The following PDE4D variants were observed in gnomAD, a reference collection of about 807,000 sequenced individuals.
The protein encoded by PDE4D is phosphodiesterase 4D, also known as 3',5'-cyclic-AMP phosphodiesterase 4D.
In PDE4D, 24 loss-of-function variants were observed where a neutral mutation model predicts 87.4. The observed-to-expected ratio is 0.27, with a 90% CI of 0.20 to 0.39. The LOEUF (loss-of-function observed/expected upper bound fraction) is 0.39, where lower values mean the gene tolerates loss of function less well. PDE4D is among the 10% of genes least tolerant of loss of function. PDE4D has a pLI of 1.00. For missense variants in PDE4D, 714 were observed against 1,041.0 expected, an observed-to-expected ratio of 0.69 and a Z score of 4.32; for synonymous variants, 384 against 383.2, an observed-to-expected ratio of 1.00 and a Z score of -0.02.
At chr5:60,363,607 T>C (rs1760272033) in intron 1 of PDE4D, among the ~76,000 whole-genome samples, 1 of 152,158 alleles carries the variant, frequency 6.6e-6, no homozygotes, top group African/African-American at 2.4e-5. Context: ...GTAAGATAAG[T>C]TCAAATAAGG....
At chr5:60,340,913 C>A (rs1758258471) in intron 1 of PDE4D, among the ~76,000 whole-genome samples, 1 of 152,152 alleles carries the variant, frequency 6.6e-6, no homozygotes, top group African/African-American at 2.4e-5. Context: ...TCTTCCATTT[C>A]TATGAGTTTT....
chr5:59,585,834 T>G (rs1335336012), intron 1 of PDE4D, among the ~76,000 whole-genome samples: 1 of 152,216 alleles, frequency 6.6e-6, no homozygotes, highest in African/African-American at 2.4e-5. Flanking sequence ...ATTTCTTGAA[T>G]AGCTAAAATA....
At chr5:59,472,373 A>G (rs146374225) in intron 1 of PDE4D, among the ~76,000 whole-genome samples, 14 of 152,288 alleles carry the variant, frequency 9.2e-5, no homozygotes, top group African/African-American at 3.4e-4. Flanking sequence ...GCTGGAAGAG[A>G]GGTATGTCAC....
chr5:59,954,762 C>T (rs1758659930), intron 3 of PDE4D, among the ~76,000 whole-genome samples: 1 of 152,092 alleles, frequency 6.6e-6, no homozygotes, highest in African/African-American at 2.4e-5. Context: ...CCTTTTTCTC[C>T]TTGGTTTCTA....
chr5:60,433,560 C>A (rs896550586), intron 1 of PDE4D, among the ~76,000 whole-genome samples: 3 of 152,202 alleles, frequency 2.0e-5, no homozygotes, highest in African/African-American at 4.8e-5. Flanking sequence ...ACCCAGCAGT[C>A]CTATTATTGG....
At chr5:59,615,151 T>C (rs976387753) in intron 1 of PDE4D, among the ~76,000 whole-genome samples, 1 of 152,158 alleles carries the variant, frequency 6.6e-6, no homozygotes, top group African/African-American at 2.4e-5. Context: ...ATGTTGAACA[T>C]TCCCATTCTA....
chr5:59,177,745 G>C (rs750696399), intron 5 of PDE4D, among the ~76,000 whole-genome samples: 5 of 152,182 alleles, frequency 3.3e-5, no homozygotes, highest in Non-Finnish European at 5.9e-5. Flanking sequence ...GATCAGCCAT[G>C]AACTTAACTG....
chr5:59,629,919 T>C (rs903317357), intron 1 of PDE4D, among the ~76,000 whole-genome samples: 1 of 152,224 alleles, frequency 6.6e-6, no homozygotes, highest in Non-Finnish European at 1.5e-5. Context: ...CTTATTATAC[T>C]CTTTTACTAC....
At chr5:59,884,850 G>C (rs1749930752) in intron 1 of PDE4D, among the ~76,000 whole-genome samples, 1 of 147,954 alleles carries the variant, frequency 6.8e-6, no homozygotes, top group East Asian at 1.9e-4. Context: ...CAAAATGATA[G>C]ATGAAAAATT....
chr5:59,403,142 T>TAGACAGACAGAC lies in PDE4D; in HGVS notation c.456-187186_456-187175dup, dbSNP rs58074813. ...TGTTGGTACATAATAGGTAGGTAGG[T>TAGACAGACAGAC]AGACAGACAGACAGACAGACAGACA... On this transcript the variant is annotated intron_variant, in intron 1 of 14. Transcript: ENST00000340635. Among the ~76,000 whole-genome samples, 23 of 149,998 alleles carry TAGACAGACAGAC rather than the reference T, an allele frequency of 1.5e-4. 1 individual carries two copies. The South Asian group carries it at 4.8e-3, about 31-fold the overall frequency.
intron 1 of PDE4D, among the ~76,000 whole-genome samples, chr5:59,676,666 A>G (rs1435919703): frequency 6.6e-6 from 1 of 152,172 alleles, no homozygotes; most frequent in African/African-American, 2.4e-5. Context: ...ATATTTTTAG[A>G]TATTTTTTAA....
intron 1 of PDE4D, among the ~76,000 whole-genome samples, chr5:59,737,479 A>C (rs1758238761): frequency 6.6e-6 from 1 of 152,148 alleles, no homozygotes; most frequent in Non-Finnish European, 1.5e-5. Flanking sequence ...TATCATTTTC[A>C]ATATTTGTAT....
chr5:59,969,035 G>A (rs1010420805), intron 3 of PDE4D, among the ~76,000 whole-genome samples: 3 of 149,204 alleles, frequency 2.0e-5, no homozygotes, highest in African/African-American at 5.0e-5. Context: ...ATAATATGTA[G>A]TTTCTTTAAT....
At chr5:60,063,153 AGAAG>A (rs1278412951) in intron 2 of PDE4D, among the ~76,000 whole-genome samples, 44 of 134,458 alleles carry the variant, frequency 3.3e-4, no homozygotes, top group African/African-American at 6.5e-4. Context: ...AAAGAAAGAA[AGAAG>A]GAAAGAAAGA....
intron 1 of PDE4D, among the ~76,000 whole-genome samples, chr5:60,421,680 G>A (rs544375221): frequency 2.0e-5 from 3 of 152,320 alleles, no homozygotes; most frequent in South Asian, 4.1e-4. Flanking sequence ...AACAAAGCTG[G>A]ACGGAGAATG....
chr5:60,087,716 A>T (rs1774686109), intron 2 of PDE4D, among the ~76,000 whole-genome samples: 1 of 152,126 alleles, frequency 6.6e-6, no homozygotes, highest in Non-Finnish European at 1.5e-5. Context: ...CAAAAGGAAA[A>T]AGAATTTAAA....
intron 1 of PDE4D, among the ~76,000 whole-genome samples, chr5:59,815,912 T>C (rs1768922942): frequency 6.6e-6 from 1 of 152,224 alleles, no homozygotes; most frequent in African/African-American, 2.4e-5. Context: ...AATTATTTTA[T>C]TGTAAAAATT....
At chr5:59,809,164 G>A (rs779263941) in intron 1 of PDE4D, among the ~76,000 whole-genome samples, 1 of 152,150 alleles carries the variant, frequency 6.6e-6, no homozygotes, top group Non-Finnish European at 1.5e-5. Flanking sequence ...CATTGCTAAT[G>A]ATTTGCCCTC....
At chr5:60,026,468 ATTAAT>A (rs1766631092) in intron 2 of PDE4D, among the ~76,000 whole-genome samples, 2 of 152,212 alleles carry the variant, frequency 1.3e-5, no homozygotes. Flanking sequence ...CATGTACTTA[ATTAAT>A]TTGAGTCCTG....
Sources: gnomAD v4.1 joint callset for allele counts (sites outside exome capture counted in the v4.1 genomes callset) on GRCh38, gnomAD v4.1.1 for gene constraint, MANE v1.5 for transcripts, NCBI Gene and HGNC (gene_info 2026-07-23, HGNC 2026-07-21) for gene names.